KDM4C: variants seen among roughly 807,000 people sequenced by gnomAD.
The protein encoded by KDM4C is lysine demethylase 4C, also known as lysine-specific demethylase 4C.
In KDM4C, 81 loss-of-function variants were observed where a neutral mutation model predicts 129.3. The observed-to-expected ratio is 0.63, with a 90% CI of 0.52 to 0.75. KDM4C has a LOEUF of 0.75. Ranked by LOEUF, KDM4C falls within the 30% of genes least tolerant of loss-of-function variation. The pLI is 0.00. For missense variants in KDM4C, 1,457 were observed against 1,304.0 expected (o/e 1.12, Z -1.81); for synonymous variants, 573 against 456.1 (o/e 1.26, Z -3.26).
intron 1 of KDM4C, among the ~76,000 whole-genome samples, chr9:6,777,514 GAGTGTAGCTCTTTCAGTAGTGA>G (rs1463414856): frequency 1.3e-5 from 2 of 152,202 alleles, no homozygotes; most frequent in Non-Finnish European, 2.9e-5. Flanking sequence ...TTTCTGTAGT[GAGTGTAGCTCTTTCAGTAGTGA>G]ATGCCTGTGT....
chr9:7,109,565 G>A (rs772794315), intron 18 of KDM4C, among the ~76,000 whole-genome samples: 1 of 152,186 alleles, frequency 6.6e-6, no homozygotes, highest in East Asian at 1.9e-4. Flanking sequence ...GATGTAAGAC[G>A]GGTGGTCAGA....
At chr9:6,808,569 G>T (rs1475319667) in intron 3 of KDM4C, among the ~76,000 whole-genome samples, 1 of 148,212 alleles carries the variant, frequency 6.7e-6, no homozygotes, top group Non-Finnish European at 1.5e-5. Context: ...AAGGCCTCAG[G>T]GTCCTCTGCC....
rs369535169 is a variant in KDM4C, at chr9:7,076,028, A to C, written c.2424+26828A>C. ...ATGGGATAGAACGAACATTTATGGC[A>C]TGTGAGCCTTGCACTGAGTGCTGTA... On this transcript the variant is annotated intron_variant, in intron 17 of 21. Transcript: ENST00000381309. Among the ~76,000 whole-genome samples, 77 of 152,298 alleles carry C rather than the reference A, an allele frequency of 5.1e-4. No homozygotes were observed. The South Asian group carries it at 0.016, about 32-fold the overall frequency.
At chr9:7,066,677 A>G (rs1011431940) in intron 17 of KDM4C, among the ~76,000 whole-genome samples, 4 of 152,228 alleles carry the variant, frequency 2.6e-5, no homozygotes, top group Admixed American at 2.0e-4. Flanking sequence ...TCTGTGAGTC[A>G]TGAAACACTA....
At chr9:7,115,536 T>A (rs1838800635) in intron 18 of KDM4C, among the ~76,000 whole-genome samples, 1 of 152,226 alleles carries the variant, frequency 6.6e-6, no homozygotes, top group Admixed American at 6.5e-5. Flanking sequence ...GGTAGGATAT[T>A]CAATTCCTTC....
intron 17 of KDM4C, chr9:7,076,320 G>T: frequency 1.4e-6 from 1 of 713,702 alleles, no homozygotes; most frequent in East Asian, 2.7e-5. Flanking sequence ...CATATGGGAA[G>T]TGTCTGAGCT....
rs1019332134 is a variant in KDM4C at position 7,157,373 on chromosome 9, A to G, written c.2782-7865A>G. On this transcript the variant is annotated intron_variant, in intron 19 of 21. Transcript: ENST00000381309. ...TTTCTCTTGCCTGATTGCCCTGGCC[A>G]GAACTTCCAATACTATCTTGAATAG... 4.6e-5 allele frequency among the ~76,000 whole-genome samples: 7 copies of G among 152,352 alleles called. 1 individual carries two copies.
At chr9:7,066,267 G>A (rs1330839894) in intron 17 of KDM4C, among the ~76,000 whole-genome samples, 1 of 152,066 alleles carries the variant, frequency 6.6e-6, no homozygotes, top group African/African-American at 2.4e-5. Flanking sequence ...CCCTCTCATG[G>A]GATTTACATT....
intron 8 of KDM4C, chr9:6,941,709 C>T (rs1825970433): frequency 6.6e-6 from 1 of 152,344 alleles, no homozygotes; most frequent in South Asian, 2.1e-4. Flanking sequence ...CAGAGATGGC[C>T]ATGCGCTCCT....
chr9:7,014,625 A>T (rs1286201556), intron 14 of KDM4C, among the ~76,000 whole-genome samples: 1 of 152,160 alleles, frequency 6.6e-6, no homozygotes, highest in African/African-American at 2.4e-5. Flanking sequence ...CATATAATAC[A>T]ACTCTATTTT....
chr9:6,848,586 T>C (rs1309537953), intron 4 of KDM4C, among the ~76,000 whole-genome samples: 1 of 151,990 alleles, frequency 6.6e-6, no homozygotes, highest in Non-Finnish European at 1.5e-5. Context: ...TAAGAATTGC[T>C]CGAACCTGGG....
chr9:7,152,195 T>A (rs1842789615), intron 19 of KDM4C, among the ~76,000 whole-genome samples: 1 of 152,116 alleles, frequency 6.6e-6, no homozygotes. Flanking sequence ...ATTCTAGGAG[T>A]CTAAGAATAG....
chr9:6,836,511 C>T (rs1434167859), intron 4 of KDM4C, among the ~76,000 whole-genome samples: 1 of 152,218 alleles, frequency 6.6e-6, no homozygotes, highest in Non-Finnish European at 1.5e-5. Context: ...ATTAACAGCA[C>T]TGCTCAGGGA....
intron 8 of KDM4C, among the ~76,000 whole-genome samples, chr9:6,902,266 G>A (rs1347615155): frequency 6.6e-6 from 1 of 152,144 alleles, no homozygotes; most frequent in African/African-American, 2.4e-5. Flanking sequence ...CATATTTCAT[G>A]ATCAAGTAAA....
chr9:7,175,008 G>A lies in KDM4C; in HGVS notation c.*279G>A. ...TTTCTAAGTGAAAGGAAATACTAGT[G>A]AATCACCCACAAGGAAAAGCCACTG... is the stretch of plus-strand genomic sequence containing the variant. On this transcript the variant is annotated 3_prime_UTR_variant, in exon 22 of 22. Coordinates refer to ENST00000381309, the MANE Select transcript of KDM4C (RefSeq NM_015061.6). The A allele has an allele frequency of 3.5e-6, 1 of 287,958 alleles. No individual in the cohort carries two copies. Among genetic ancestry groups the A allele is most frequent in the Non-Finnish European group, 6.7e-6 (1 of 150,326 alleles). The allele number at this position is 287,958 out of a possible 1,614,324, so 17.8% of individuals were successfully genotyped here.
Position 7,165,400 on chromosome 9 carries a change from A to G in KDM4C, c.2901+43A>G, listed in dbSNP as rs371381187. On this transcript the variant is annotated intron_variant, in intron 20 of 21. Transcript: ENST00000381309. ...TGTGATGCTTGCTAAGATTGACATGATAAGTCAGAAGGAGATAGTATCTCA... is the reference window on the plus strand; with the variant it reads ...TGTGATGCTTGCTAAGATTGACATGGTAAGTCAGAAGGAGATAGTATCTCA... 4.7e-5 allele frequency: 75 copies of G among 1,601,444 alleles called. 1 individual carries two copies. The East Asian group carries it at 6.9e-4, about 15-fold the overall frequency.
intron 11 of KDM4C, 195 bp downstream of exon 11, chr9:6,986,861 G>A (rs578032330): frequency 2.0e-6 from 1 of 494,952 alleles, no homozygotes; most frequent in East Asian, 3.0e-5. Flanking sequence ...TGATAATTTA[G>A]CACATGGAGC....
At chr9:6,927,420 G>T (rs539467073) in intron 8 of KDM4C, among the ~76,000 whole-genome samples, 3 of 152,268 alleles carry the variant, frequency 2.0e-5, no homozygotes. Context: ...GTGAGCTACT[G>T]CGCCCAGCCT....
chr9:7,116,750 C>T (rs1413830953), intron 18 of KDM4C, among the ~76,000 whole-genome samples: 1 of 152,126 alleles, frequency 6.6e-6, no homozygotes, highest in Non-Finnish European at 1.5e-5. Context: ...TCCCTTTCAC[C>T]GTACCTTTAG....
Sources: gnomAD v4.1 joint callset for allele counts (sites outside exome capture counted in the v4.1 genomes callset) on GRCh38, gnomAD v4.1.1 for gene constraint, MANE v1.5 for transcripts, NCBI Gene and HGNC (gene_info 2026-07-23, HGNC 2026-07-21) for gene names.